The following LHX2 variants were observed in gnomAD, a reference collection of about 807,000 sequenced individuals.
LHX2 encodes LIM/homeobox protein Lhx2.
LHX2 carries 6 observed loss-of-function variants against 33.0 expected under a neutral mutation model. The observed-to-expected ratio is 0.18, with a 90% CI of 0.10 to 0.36. The LOEUF (loss-of-function observed/expected upper bound fraction) is 0.36, where lower values mean the gene tolerates loss of function less well. LHX2 is among the 10% of genes least tolerant of loss of function. The pLI is 1.00. For missense variants in LHX2, 442 were observed against 586.2 expected (o/e 0.75, Z 2.54); for synonymous variants, 292 against 253.1 (o/e 1.15, Z -1.46).
rs188679133 is a variant in LHX2 at position 124,033,207 on chromosome 9, G to T, written c.*500G>T. The T allele has an allele frequency of 6.6e-6, 1 of 151,034 alleles. No homozygotes were observed. The highest frequency in any genetic ancestry group is 1.5e-5 in the Non-Finnish European group (1 of 67,936). The allele number at this position is 151,034 out of a possible 1,614,324, so 9.4% of individuals were successfully genotyped here. On this transcript the variant is annotated 3_prime_UTR_variant, in exon 5 of 5. Transcript: ENST00000373615. Reference sequence around the variant, plus strand: ...AAGGAAAAATCAAACCCCCTCCAACGGTCGCTTTGTTGTTTTAGAATTTTA... The same window carrying T: ...AAGGAAAAATCAAACCCCCTCCAACTGTCGCTTTGTTGTTTTAGAATTTTA...
chr9:124,029,666 G>A (rs1218745486), intron 4 of LHX2, among the ~76,000 whole-genome samples: 4 of 152,206 alleles, frequency 2.6e-5, no homozygotes, highest in Admixed American at 2.6e-4. Flanking sequence ...GCCCCGGATG[G>A]ATGAGCAAAT....
intron 4 of LHX2, among the ~76,000 whole-genome samples, chr9:124,030,485 C>G (rs1023401006): frequency 2.1e-4 from 32 of 152,276 alleles, no homozygotes; most frequent in African/African-American, 6.7e-4. Context: ...AAGGTTCAAC[C>G]CCCCCAGAGT....
In LHX2 at chr9:124,031,291, C is replaced by T. The variant is rs778355400; in HGVS notation, c.934-1129C>T. Reference sequence around the variant, plus strand: ...CCCAACCGATGATGGGGATAGGTTCCGTGTCTTTCACTTCCTCTTAGTAAC... The same window carrying T: ...CCCAACCGATGATGGGGATAGGTTCTGTGTCTTTCACTTCCTCTTAGTAAC... On this transcript the variant is annotated intron_variant, in intron 4 of 4. Coordinates refer to ENST00000373615, the MANE Select transcript of LHX2 (RefSeq NM_004789.4). 7.9e-5 allele frequency among the ~76,000 whole-genome samples: 12 copies of T among 152,264 alleles called. No homozygotes were observed. The South Asian group carries it at 1.7e-3, about 21-fold the overall frequency.
chr9:124,026,209 A>G (rs550965640), intron 4 of LHX2, among the ~76,000 whole-genome samples: 8 of 152,192 alleles, frequency 5.3e-5, no homozygotes, highest in Non-Finnish European at 1.0e-4. Context: ...CTGTAATTCC[A>G]GCACTTTGGG....
intron 4 of LHX2, among the ~76,000 whole-genome samples, chr9:124,029,870 C>G (rs1433945542): frequency 6.6e-6 from 1 of 152,238 alleles, no homozygotes; most frequent in African/African-American, 2.4e-5. Context: ...GTCACTTCCT[C>G]TCTCTGAGGG....
intron 4 of LHX2, among the ~76,000 whole-genome samples, chr9:124,024,557 ATGGGGATGAGAAGGATACCTTAC>A (rs1828573998): frequency 6.6e-6 from 1 of 152,222 alleles, no homozygotes; most frequent in Non-Finnish European, 1.5e-5. Context: ...TATCTATGAA[ATGGGGATGAGAAGGATACCTTAC>A]TGGTGGTTGC....
Position 124,021,008 on chromosome 9 carries a change from T to C in LHX2, c.728-91T>C, listed in dbSNP as rs138960051. 5.6e-4 allele frequency: 642 copies of C among 1,140,140 alleles called. 2 individuals carry two copies. The African/African-American group carries it at 8.6e-3, about 15-fold the overall frequency. 70.6% of individuals were successfully genotyped at this position (1,140,140 alleles called of 1,614,324 possible). ...GCAGACATGCAGCAGGGTTAAGGAT[T>C]GAAATGTTTGGCAGTGGGTGGGGCG... On this transcript the variant is annotated intron_variant, in intron 3 of 4. Transcript: ENST00000373615.
At chr9:124,029,827 C>A (rs1250106613) in intron 4 of LHX2, among the ~76,000 whole-genome samples, 1 of 152,226 alleles carries the variant, frequency 6.6e-6, no homozygotes, top group Non-Finnish European at 1.5e-5. Context: ...AGGCTCCGGC[C>A]TTCTCCACCC....
At position 124,032,531 on chromosome 9, in the gene LHX2, C is replaced by G. The variant is rs1166683585; in HGVS notation, c.1045C>G (p.Pro349Ala). ...GCTGCAGACAGGGACGCCATCGGGC[C>G]CGGCCTCGGAGCTCTCCAACGCCTC... ...AALQTGTPSG[P>A]ASELSNASLS... The change falls in exon 5 of 5, where the codon CCG (proline) becomes GCG (alanine). Residue 349 changes from proline to alanine, a missense_variant. Pro to Ala is a conservative substitution (Grantham distance 27, BLOSUM62 -1). Coordinates refer to ENST00000373615, the MANE Select transcript of LHX2 (RefSeq NM_004789.4). This position sits in a 1 kb window ranked among gnomAD's most constrained non-coding sequence, Gnocchi z 4.1. 5.6e-6 allele frequency: 9 copies of G among 1,613,884 alleles called. No homozygotes were observed. The Middle Eastern group carries it at 4.9e-4, about 88-fold the overall frequency.
chr9:124,017,585 G>A (rs1859213609), intron 3 of LHX2, among the ~76,000 whole-genome samples: 1 of 152,164 alleles, frequency 6.6e-6, no homozygotes, highest in Non-Finnish European at 1.5e-5. Flanking sequence ...GTGCGTGCAG[G>A]GTTCCGACCA....
chr9:124,016,185 C>T lies in LHX2; in HGVS notation c.727+660C>T, dbSNP rs1031189197. On this transcript the variant is annotated intron_variant, in intron 3 of 4. Transcript: ENST00000373615. This position sits in a 1 kb window ranked among gnomAD's most constrained non-coding sequence, Gnocchi z 4.4. The stretch of plus-strand genomic sequence containing the variant: ...GGCCGTGACCCTCGGAAGCGAGCCC[C>T]CCGGGCGGGGACGAGACCGGAGCAG... Among the ~76,000 whole-genome samples, 1 of 152,172 alleles carries T rather than the reference C, an allele frequency of 6.6e-6. No homozygotes were observed. Among genetic ancestry groups the T allele is most frequent in the African/African-American group, 2.4e-5 (1 of 41,534 alleles).
Position 124,016,387 on chromosome 9 carries a change from C to A in LHX2, c.727+862C>A, listed in dbSNP as rs1375999764. Among the ~76,000 whole-genome samples the A allele has an allele frequency of 2.0e-5, 3 of 152,222 alleles. No individual in the cohort carries two copies. The East Asian group carries it at 5.8e-4, about 29-fold the overall frequency. On this transcript the variant is annotated intron_variant, in intron 3 of 4. Transcript: ENST00000373615. The surrounding 1 kb of genome is among the most constrained non-coding windows in gnomAD (Gnocchi z 4.4). ...CCGGCAAATGAGCCGTCAACATCTG[C>A]CCGAAGTCTGCAAGGCCCGGAAAGG...
At chr9:124,019,197 G>A (rs1859249874) in intron 3 of LHX2, among the ~76,000 whole-genome samples, 1 of 152,222 alleles carries the variant, frequency 6.6e-6, no homozygotes, top group Non-Finnish European at 1.5e-5. Flanking sequence ...AGCCCCGGGG[G>A]TGAGGGGACC....
intron 4 of LHX2, among the ~76,000 whole-genome samples, chr9:124,028,739 A>G (rs1448956644): frequency 6.6e-6 from 1 of 152,192 alleles, no homozygotes; most frequent in African/African-American, 2.4e-5. Context: ...GTGGTCCTGG[A>G]TTCCAGTCTC....
chr9:124,012,836 G>C lies in LHX2; in HGVS notation c.120+368G>C, dbSNP rs376617963. Among the ~76,000 whole-genome samples, 20 of 152,338 alleles carry C rather than the reference G, an allele frequency of 1.3e-4. No individual in the cohort carries two copies. In the East Asian group the frequency reaches 3.9e-3, roughly 29 times the overall value. On this transcript the variant is annotated intron_variant, in intron 1 of 4. Transcript: ENST00000373615. This position sits in a 1 kb window ranked among gnomAD's most constrained non-coding sequence, Gnocchi z 4.3. ...TCCGGTTGCTGGCGGCGCCGCGAGC[G>C]GCGCCAGGGAAGGGCGAACCAGCTG...
At chr9:124,029,988 G>A (rs1030620990) in intron 4 of LHX2, among the ~76,000 whole-genome samples, 4 of 152,208 alleles carry the variant, frequency 2.6e-5, no homozygotes, top group Admixed American at 1.3e-4. Context: ...CCCAGGGAAA[G>A]CATGTCAAGG....
chr9:124,032,970 A>C lies in LHX2; in HGVS notation c.*263A>C, dbSNP rs2118788686. On this transcript the variant is annotated 3_prime_UTR_variant, in exon 5 of 5. Coordinates refer to ENST00000373615, the MANE Select transcript of LHX2 (RefSeq NM_004789.4). The surrounding 1 kb of genome is among the most constrained non-coding windows in gnomAD (Gnocchi z 4.1). ...ACTGAGCGAGGAAAAACAACAAATA[A>C]TTTAAGTTGGCTAGAGCTTCTGTAT... 2 of 332,814 alleles carry C rather than the reference A, an allele frequency of 6.0e-6. No homozygotes were observed. The highest frequency in any genetic ancestry group is 5.4e-6 in the Non-Finnish European group (1 of 185,126). The allele number at this position is 332,814 out of a possible 1,614,324, so 20.6% of individuals were successfully genotyped here. A position where few individuals can be genotyped will look rare whatever the true frequency, so the allele number is the denominator to read the frequency against.
chr9:124,015,257 C>T lies in LHX2; in HGVS notation c.459C>T (p.Gly153=), dbSNP rs1472764301. The change falls in exon 3 of 5, where the codon GGC becomes GGT. Residue 153 remains glycine (G), a synonymous_variant. Coordinates refer to ENST00000373615, the MANE Select transcript of LHX2 (RefSeq NM_004789.4). This position sits in a 1 kb window ranked among gnomAD's most constrained non-coding sequence, Gnocchi z 7.9. ...CGTGTAACAAGATGCTGACCACGGG[C>T]GACCACTTCGGCATGAAGGACAGCC... ...CTTCNKMLTT[G]DHFGMKDSLV... 6.2e-7 allele frequency: 1 copy of T among 1,614,154 alleles called. No individual in the cohort carries two copies. Among genetic ancestry groups the T allele is most frequent in the Non-Finnish European group, 8.5e-7 (1 of 1,180,042 alleles).
intron 4 of LHX2, among the ~76,000 whole-genome samples, chr9:124,023,974 C>A (rs1828561942): frequency 6.6e-6 from 1 of 152,210 alleles, no homozygotes; most frequent in Non-Finnish European, 1.5e-5. Flanking sequence ...GATGAGAAGG[C>A]AGAGGCCCAA....
Sources: gnomAD v4.1 joint callset for allele counts (sites outside exome capture counted in the v4.1 genomes callset) on GRCh38, gnomAD v4.1.1 for gene constraint, Gnocchi (gnomAD v3.1) non-coding constraint, MANE v1.5 for transcripts, NCBI Gene and HGNC (gene_info 2026-07-23, HGNC 2026-07-21) for gene names.